Variants in ARSB observed in about 807,000 individuals in gnomAD.
ARSB encodes the protein arylsulfatase B, also known as N-acetylgalactosamine-4-sulfatase.
Under a neutral mutation model 50.9 loss-of-function variants are expected in ARSB, and 41 were observed. The observed-to-expected ratio is 0.81, with a 90% CI of 0.63 to 1.04. The LOEUF is 1.04. Among genes scored for constraint, ARSB ranks in the 50% least tolerant of loss-of-function variants. ARSB has a pLI of 0.00. For synonymous variants in ARSB, 269 were observed against 284.8 expected, an observed-to-expected ratio of 0.94 and a Z score of 0.56; for missense variants, 672 against 693.3, an observed-to-expected ratio of 0.97 and a Z score of 0.35.
At chr5:78,847,060 T>C (rs1745478209) in intron 5 of ARSB, among the ~76,000 whole-genome samples, 2 of 152,208 alleles carry the variant, frequency 1.3e-5, no homozygotes, top group South Asian at 4.1e-4. Flanking sequence ...GTTTATGGAT[T>C]TGTATATGTT....
chr5:78,846,387 T>C (rs1240976925), intron 5 of ARSB, among the ~76,000 whole-genome samples: 1 of 152,146 alleles, frequency 6.6e-6, no homozygotes, highest in African/African-American at 2.4e-5. Context: ...TGCATGTAAA[T>C]TTTAGGATTT....
intron 4 of ARSB, among the ~76,000 whole-genome samples, chr5:78,917,842 A>G (rs549914860): frequency 1.3e-5 from 2 of 152,266 alleles, no homozygotes; most frequent in Non-Finnish European, 1.5e-5. Flanking sequence ...GGAATATTAA[A>G]CCACAGGTTC....
chr5:78,840,175 G>A (rs1162993554), intron 5 of ARSB, among the ~76,000 whole-genome samples: 3 of 152,194 alleles, frequency 2.0e-5, no homozygotes, highest in Non-Finnish European at 2.9e-5. Context: ...AGGCACCCAG[G>A]TCATTTTGCT....
chr5:78,885,809 A>G lies in ARSB; in HGVS notation c.917T>C (p.Leu306Ser), dbSNP rs143111531. 16 of 1,614,078 alleles carry G rather than the reference A, an allele frequency of 9.9e-6. No individual in the cohort carries two copies. Among genetic ancestry groups the G allele is most frequent in the Non-Finnish European group, 1.3e-5 (15 of 1,180,040 alleles). Reference protein sequence around the residue: ...IFSTDNGGQTLAGGNNWPLRG... With the variant: ...IFSTDNGGQTSAGGNNWPLRG... Reference sequence around the variant, plus strand: ...AAGGGGCCAGTTATTACCCCCTGCCAAAGTCTGCCCTCCGTTATCTGAAAC... The same window carrying G: ...AAGGGGCCAGTTATTACCCCCTGCCGAAGTCTGCCCTCCGTTATCTGAAAC... Residue 306 changes from leucine (L) to serine (S), a missense_variant, in exon 5 of 8, where the codon TTG becomes TCG. Transcript: ENST00000264914.
At chr5:78,862,382 A>C (rs1484058814) in intron 5 of ARSB, among the ~76,000 whole-genome samples, 5 of 152,228 alleles carry the variant, frequency 3.3e-5, no homozygotes, top group African/African-American at 1.2e-4. Context: ...AGGCTACAGT[A>C]ACCAAAACAG....
chr5:78,848,928 T>C (rs1745599339), intron 5 of ARSB, among the ~76,000 whole-genome samples: 2 of 149,940 alleles, frequency 1.3e-5, no homozygotes, highest in African/African-American at 2.5e-5. Context: ...TTTTTTCTCG[T>C]AAATTTGTTT....
chr5:78,843,259 C>T (rs915310125), intron 5 of ARSB, among the ~76,000 whole-genome samples: 3 of 152,192 alleles, frequency 2.0e-5, no homozygotes, highest in African/African-American at 7.2e-5. Flanking sequence ...CTAACAGTTT[C>T]CCAGGTGACA....
intron 1 of ARSB, 55 bp downstream of exon 1, chr5:78,984,882 G>A (rs1753085374): frequency 8.0e-7 from 1 of 1,249,134 alleles, no homozygotes; most frequent in Non-Finnish European, 1.0e-6. Flanking sequence ...AGGAGCGGCA[G>A]GGCGCCGGCG....
intron 7 of ARSB, 59 bp downstream of exon 7, chr5:78,781,793 G>T (rs1748932930): frequency 5.0e-6 from 8 of 1,609,970 alleles, no homozygotes; most frequent in African/African-American, 1.3e-5. Context: ...ACTGCCCTGA[G>T]GACACAGCCC....
intron 3 of ARSB, 35 bp downstream of exon 3, chr5:78,964,381 A>C (rs764546289): frequency 6.3e-7 from 1 of 1,592,778 alleles, no homozygotes; most frequent in East Asian, 2.2e-5. Context: ...TAGTGTAACA[A>C]GATTTTGCTA....
At chr5:78,810,649 T>C (rs1264285527) in intron 6 of ARSB, among the ~76,000 whole-genome samples, 3 of 152,230 alleles carry the variant, frequency 2.0e-5, no homozygotes, top group Admixed American at 2.0e-4. Context: ...TGAATGGCTT[T>C]TGAGTTTTTA....
chr5:78,953,965 A>G (rs112602858), intron 4 of ARSB, among the ~76,000 whole-genome samples: 1 of 152,178 alleles, frequency 6.6e-6, no homozygotes, highest in East Asian at 1.9e-4. Context: ...ACAGAACTTC[A>G]CAAAAAAGGA....
chr5:78,808,955 A>C (rs1743692500), intron 6 of ARSB, among the ~76,000 whole-genome samples: 1 of 152,192 alleles, frequency 6.6e-6, no homozygotes, highest in South Asian at 2.1e-4. Context: ...TGATTTCTCA[A>C]CTAGTCAGAG....
At chr5:78,893,265 T>C (rs1748403210) in intron 4 of ARSB, among the ~76,000 whole-genome samples, 1 of 152,210 alleles carries the variant, frequency 6.6e-6, no homozygotes, top group Admixed American at 6.5e-5. Flanking sequence ...TTAAACCTTT[T>C]TCTTTATAAA....
intron 4 of ARSB, among the ~76,000 whole-genome samples, chr5:78,902,774 G>T (rs1349578429): frequency 2.0e-5 from 3 of 152,080 alleles, no homozygotes; most frequent in Non-Finnish European, 2.9e-5. Flanking sequence ...AAGGGAGTTG[G>T]GAGTAACTGC....
intron 5 of ARSB, among the ~76,000 whole-genome samples, chr5:78,844,952 T>C (rs1745379101): frequency 6.6e-6 from 1 of 152,148 alleles, no homozygotes; most frequent in Non-Finnish European, 1.5e-5. Flanking sequence ...ATAGTCACCC[T>C]ATAGTGCTAT....
At chr5:78,984,852 C>G (rs1753082861) in intron 1 of ARSB, 85 bp downstream of exon 1, 1 of 1,124,322 alleles carries the variant, frequency 8.9e-7, no homozygotes. Flanking sequence ...TGCCAGCGCC[C>G]GCGGCCTCAA....
intron 4 of ARSB, among the ~76,000 whole-genome samples, chr5:78,897,979 C>T (rs1371821963): frequency 6.6e-6 from 1 of 152,046 alleles, no homozygotes; most frequent in African/African-American, 2.4e-5. Flanking sequence ...TTAAAAACCT[C>T]CCCACAGGCC....
chr5:78,909,681 C>T (rs369868985), intron 4 of ARSB, among the ~76,000 whole-genome samples: 48 of 152,264 alleles, frequency 3.2e-4, no homozygotes, highest in African/African-American at 1.1e-3. Context: ...GGGACCTCTG[C>T]CCAGGAAAAC....
Sources: gnomAD v4.1 joint callset for allele counts (sites outside exome capture counted in the v4.1 genomes callset) on GRCh38, gnomAD v4.1.1 for gene constraint, MANE v1.5 for transcripts, NCBI Gene and HGNC (gene_info 2026-07-23, HGNC 2026-07-21) for gene names.